Variants in HPSE2 observed in about 807,000 individuals in gnomAD.
The protein encoded by HPSE2 is inactive heparanase-2.
Under a neutral mutation model 60.5 loss-of-function variants are expected in HPSE2, and 38 were observed. That is an observed-to-expected ratio of 0.63 (90% CI 0.48 to 0.82). The LOEUF (loss-of-function observed/expected upper bound fraction) is 0.82, where lower values mean the gene tolerates loss of function less well. Among genes scored for constraint, HPSE2 ranks in the 40% least tolerant of loss-of-function variants. The pLI, the probability that HPSE2 is intolerant of heterozygous loss-of-function variation, is 0.00. For missense variants in HPSE2, 713 were observed against 740.4 expected (o/e 0.96, Z 0.43); for synonymous variants, 295 against 293.2 (o/e 1.01, Z -0.06).
intron 7 of HPSE2, among the ~76,000 whole-genome samples, chr10:98,623,477 G>A (rs1045866232): frequency 6.6e-6 from 1 of 152,026 alleles, no homozygotes; most frequent in South Asian, 2.1e-4. Context: ...ACTTTCAAAG[G>A]GTGAATTTTA....
chr10:99,069,768 C>T (rs1342402947), intron 3 of HPSE2, among the ~76,000 whole-genome samples: 2 of 151,668 alleles, frequency 1.3e-5, no homozygotes, highest in Non-Finnish European at 2.9e-5. Flanking sequence ...TCATCTAATG[C>T]TCACATTGTT....
At chr10:98,905,310 CTCCCCCG>C (rs960611141) in intron 3 of HPSE2, among the ~76,000 whole-genome samples, 3 of 149,118 alleles carry the variant, frequency 2.0e-5, no homozygotes, top group African/African-American at 7.3e-5. Flanking sequence ...TCCCTCCCCC[CTCCCCCG>C]ACCCCACCAC....
At chr10:98,805,348 G>A (rs1185260708) in intron 3 of HPSE2, among the ~76,000 whole-genome samples, 2 of 151,896 alleles carry the variant, frequency 1.3e-5, no homozygotes, top group African/African-American at 2.4e-5. Flanking sequence ...ATAAGACCTG[G>A]TACATTTAAA....
intron 9 of HPSE2, among the ~76,000 whole-genome samples, chr10:98,532,623 T>C (rs1414515158): frequency 6.6e-6 from 1 of 152,212 alleles, no homozygotes; most frequent in Non-Finnish European, 1.5e-5. Flanking sequence ...AAGTTGAAGT[T>C]ACAGAGTTTT....
intron 3 of HPSE2, among the ~76,000 whole-genome samples, chr10:98,994,765 C>A (rs1834700457): frequency 6.6e-6 from 1 of 152,126 alleles, no homozygotes; most frequent in Non-Finnish European, 1.5e-5. Context: ...AATTGTGGTC[C>A]ACTCACATCT....
chr10:98,960,793 G>C (rs921907023), intron 3 of HPSE2, among the ~76,000 whole-genome samples: 1 of 133,652 alleles, frequency 7.5e-6, no homozygotes, highest in Non-Finnish European at 1.5e-5. Context: ...TATTGTGCAG[G>C]TTAGTTACAT....
chr10:98,683,340 G>C (rs1947832182), intron 6 of HPSE2, among the ~76,000 whole-genome samples: 1 of 149,118 alleles, frequency 6.7e-6, no homozygotes, highest in African/African-American at 2.5e-5. Context: ...GGAAATAACA[G>C]TAATTCAGGG....
intron 3 of HPSE2, among the ~76,000 whole-genome samples, chr10:98,895,649 G>A (rs573885374): frequency 2.6e-5 from 4 of 151,774 alleles, no homozygotes; most frequent in South Asian, 2.1e-4. Context: ...TGTTTATTGC[G>A]GCACTATTCA....
At chr10:98,885,984 C>T (rs1424304259) in intron 3 of HPSE2, among the ~76,000 whole-genome samples, 1 of 152,032 alleles carries the variant, frequency 6.6e-6, no homozygotes, top group African/African-American at 2.4e-5. Context: ...AAAACAAACA[C>T]CCTCTTAGTA....
At chr10:98,503,808 A>T (rs1942106039) in intron 9 of HPSE2, among the ~76,000 whole-genome samples, 1 of 152,190 alleles carries the variant, frequency 6.6e-6, no homozygotes, top group East Asian at 1.9e-4. Context: ...GAGCTAAGGT[A>T]TGAGGATGCA....
chr10:99,295,947 C>A, the HPSE2 span, among the ~76,000 whole-genome samples: 162 of 152,318 alleles, frequency 1.1e-3, no homozygotes, highest in African/African-American at 3.8e-3. Flanking sequence ...TTAGACAACA[C>A]TGCCTCCAAA....
At chr10:99,308,621 G>A in the HPSE2 span, among the ~76,000 whole-genome samples, 1 of 152,044 alleles carries the variant, frequency 6.6e-6, no homozygotes, top group Admixed American at 6.6e-5. Context: ...CTTTGCCACA[G>A]AATATCTCAC....
At chr10:98,922,819 T>C (rs892738076) in intron 3 of HPSE2, among the ~76,000 whole-genome samples, 25 of 152,242 alleles carry the variant, frequency 1.6e-4, no homozygotes, top group Non-Finnish European at 3.5e-4. Context: ...TAACTTCTTG[T>C]TGTTTCTCTT....
intron 3 of HPSE2, among the ~76,000 whole-genome samples, chr10:98,970,215 G>A (rs532968752): frequency 3.3e-5 from 5 of 152,080 alleles, no homozygotes; most frequent in South Asian, 2.1e-4. Flanking sequence ...TGCCTGCCTC[G>A]GCCTCCCAAA....
rs5787292 is a variant in HPSE2 at position 98,591,126 on chromosome 10, C to CAAAAAAA, written c.1320+23771_1320+23777dup. Among the ~76,000 whole-genome samples the CAAAAAAA allele has an allele frequency of 2.3e-3, 346 of 150,972 alleles. 2 individuals carry two copies. Among genetic ancestry groups the CAAAAAAA allele is most frequent in the African/African-American group, 8.2e-3 (337 of 41,096 alleles). On this transcript the variant is annotated intron_variant, in intron 9 of 11. Transcript: ENST00000370552. ...ACAGGAAGAACGGTGAAATAGGGAT[C>CAAAAAAA]AAAAAAAAAGAAGAGCCCCTGACAC... is the stretch of plus-strand genomic sequence containing the variant.
chr10:99,198,871 C>A (rs566454977), intron 2 of HPSE2, among the ~76,000 whole-genome samples: 1 of 152,186 alleles, frequency 6.6e-6, no homozygotes, highest in South Asian at 2.1e-4. Context: ...TACCTGGAAA[C>A]CACCATTCTA....
chr10:99,300,051 C>T, the HPSE2 span, among the ~76,000 whole-genome samples: 1 of 146,184 alleles, frequency 6.8e-6, no homozygotes, highest in African/African-American at 2.5e-5. Flanking sequence ...AAAGAATTGG[C>T]CAAAAAGCAC....
At chr10:98,789,679 C>A (rs1950615104) in intron 3 of HPSE2, among the ~76,000 whole-genome samples, 1 of 152,158 alleles carries the variant, frequency 6.6e-6, no homozygotes, top group African/African-American at 2.4e-5. Flanking sequence ...AAGGAGATGA[C>A]AGCCGGAAGC....
chr10:99,100,871 A>C (rs1416772440), intron 3 of HPSE2, among the ~76,000 whole-genome samples: 2 of 152,224 alleles, frequency 1.3e-5, no homozygotes, highest in Non-Finnish European at 2.9e-5. Context: ...TTCAACCCAG[A>C]ATTTCATATC....
Sources: allele counts gnomAD v4.1 joint callset (sites outside exome capture counted in the v4.1 genomes callset), GRCh38; gene constraint gnomAD v4.1.1; transcripts MANE v1.5; gene names NCBI Gene and HGNC (gene_info 2026-07-23, HGNC 2026-07-21).